Variants in TRPC7 observed in about 807,000 individuals in gnomAD.
TRPC7 encodes transient receptor potential cation channel subfamily C member 7.
Under a neutral mutation model 90.1 loss-of-function variants are expected in TRPC7, and 42 were observed. The observed-to-expected ratio is 0.47, with a 90% CI of 0.36 to 0.60. TRPC7 has a LOEUF of 0.60. Ranked by LOEUF, TRPC7 falls within the 20% of genes least tolerant of loss-of-function variation. The pLI is 0.00. For synonymous variants in TRPC7, 451 were observed against 436.3 expected (o/e 1.03, Z -0.42); for missense variants, 955 against 1,112.3 (o/e 0.86, Z 2.01).
chr5:136,251,283 CATATACATATCCCTTT>C (rs534577804), intron 6 of TRPC7, among the ~76,000 whole-genome samples: 40 of 152,324 alleles, frequency 2.6e-4, no homozygotes, highest in South Asian at 1.0e-3. Flanking sequence ...AATTCTTCCG[CATATACATATCCCTTT>C]AGCGCTCCTG....
intron 4 of TRPC7, among the ~76,000 whole-genome samples, chr5:136,269,803 TA>T (rs1757149913): frequency 6.6e-6 from 1 of 152,180 alleles, no homozygotes; most frequent in African/African-American, 2.4e-5. Flanking sequence ...ATGTCTAACA[TA>T]GGGCTCAGGA....
At chr5:136,266,716 A>C (rs950021428) in intron 4 of TRPC7, among the ~76,000 whole-genome samples, 1 of 152,208 alleles carries the variant, frequency 6.6e-6, no homozygotes, top group African/African-American at 2.4e-5. Flanking sequence ...ATCTGATTGC[A>C]CTGATACCTC....
chr5:136,299,627 GA>G (rs1328266549), intron 3 of TRPC7, among the ~76,000 whole-genome samples: 1 of 152,162 alleles, frequency 6.6e-6, no homozygotes, highest in South Asian at 2.1e-4. Context: ...AGGAATATTT[GA>G]AAGATCAAAT....
chr5:136,302,512 A>G (rs965633137), intron 3 of TRPC7, among the ~76,000 whole-genome samples: 3 of 151,938 alleles, frequency 2.0e-5, no homozygotes, highest in African/African-American at 7.3e-5. Context: ...CCTTCCCTCC[A>G]TGTCTCTATG....
At chr5:136,240,959 C>T (rs1198825665) in intron 7 of TRPC7, among the ~76,000 whole-genome samples, 3 of 152,064 alleles carry the variant, frequency 2.0e-5, no homozygotes, top group East Asian at 1.9e-4. Flanking sequence ...AAGCCGAGTA[C>T]GTGAAGCTCA....
At position 136,301,332 on chromosome 5, in the gene TRPC7, A is replaced by ATTTTTT. The variant is rs368799815; in HGVS notation, c.963+14259_963+14264dup. ...TTGAGCCACTGCACCCAGCCCAGGC[A>ATTTTTT]TTTTTTTTTTTTTTTTTTTTTTTTT... is the stretch of plus-strand genomic sequence containing the variant. On this transcript the variant is annotated intron_variant, in intron 3 of 11. Coordinates refer to ENST00000513104, the MANE Select transcript of TRPC7 (RefSeq NM_020389.3). 3.5e-4 allele frequency among the ~76,000 whole-genome samples: 30 copies of ATTTTTT among 85,694 alleles called. 2 individuals carry two copies. The highest frequency in any genetic ancestry group is 1.3e-3 in the African/African-American group (26 of 20,600). 56.2% of individuals were successfully genotyped at this position (85,694 alleles called of 152,430 possible).
chr5:136,291,301 T>G (rs1242566042), intron 3 of TRPC7, among the ~76,000 whole-genome samples: 2 of 149,462 alleles, frequency 1.3e-5, no homozygotes, highest in Non-Finnish European at 3.0e-5. Context: ...ATACTAACCT[T>G]AAATGTAAAT....
intron 3 of TRPC7, among the ~76,000 whole-genome samples, chr5:136,301,151 C>G (rs930474209): frequency 6.6e-6 from 1 of 151,920 alleles, no homozygotes; most frequent in East Asian, 1.9e-4. Context: ...CTCAGCCTCC[C>G]GAGTAGCTGG....
intron 1 of TRPC7, among the ~76,000 whole-genome samples, chr5:136,359,669 A>T (rs1295022214): frequency 6.6e-6 from 1 of 152,134 alleles, no homozygotes; most frequent in Admixed American, 6.5e-5. Context: ...GTTTTCAGAA[A>T]GAGAAAGTTA....
chr5:136,321,452 T>G (rs1478503157), intron 2 of TRPC7, among the ~76,000 whole-genome samples: 2 of 152,208 alleles, frequency 1.3e-5, no homozygotes, highest in African/African-American at 4.8e-5. Flanking sequence ...GCCATTTAAC[T>G]CTTACGCATC....
intron 3 of TRPC7, among the ~76,000 whole-genome samples, chr5:136,306,023 A>T (rs1161120608): frequency 6.6e-6 from 1 of 152,006 alleles, no homozygotes; most frequent in Non-Finnish European, 1.5e-5. Context: ...CCCCAAAAAA[A>T]CTTGTCATCC....
chr5:136,350,296 T>C (rs1375434286), intron 2 of TRPC7, among the ~76,000 whole-genome samples: 1 of 152,212 alleles, frequency 6.6e-6, no homozygotes, highest in African/African-American at 2.4e-5. Flanking sequence ...ACCTCCTCGC[T>C]GTCCACTTCT....
At chr5:136,274,649 A>G (rs1485869390) in intron 4 of TRPC7, 24 bp downstream of exon 4, 1 of 1,577,388 alleles carries the variant, frequency 6.3e-7, no homozygotes, top group East Asian at 2.3e-5. Flanking sequence ...ACCGCAAACG[A>G]CATGCACCTT....
intron 7 of TRPC7, among the ~76,000 whole-genome samples, chr5:136,236,689 G>A (rs1041982775): frequency 1.3e-5 from 2 of 152,164 alleles, no homozygotes; most frequent in Non-Finnish European, 2.9e-5. Flanking sequence ...GTCTCGGCTG[G>A]ATAACAGGAC....
chr5:136,284,958 T>C (rs569933562), intron 3 of TRPC7, among the ~76,000 whole-genome samples: 13 of 152,346 alleles, frequency 8.5e-5, no homozygotes, highest in Admixed American at 2.0e-4. Context: ...CTATTTCATA[T>C]GTAAAGCAGA....
At chr5:136,351,054 A>G (rs1267801886) in intron 2 of TRPC7, among the ~76,000 whole-genome samples, 1 of 152,252 alleles carries the variant, frequency 6.6e-6, no homozygotes, top group Non-Finnish European at 1.5e-5. Context: ...CAGAGAATTT[A>G]TAATACCCAA....
At chr5:136,249,588 CA>C (rs1756455509) in intron 6 of TRPC7, among the ~76,000 whole-genome samples, 1 of 152,176 alleles carries the variant, frequency 6.6e-6, no homozygotes, top group Admixed American at 6.5e-5. Flanking sequence ...GTCACAATAA[CA>C]AGACACTCTT....
chr5:136,235,150 C>T (rs1187845221), intron 7 of TRPC7, among the ~76,000 whole-genome samples: 1 of 151,982 alleles, frequency 6.6e-6, no homozygotes, highest in Admixed American at 6.6e-5. Flanking sequence ...AAACATAAGG[C>T]AGAAGACTGA....
At position 136,226,268 on chromosome 5, in the gene TRPC7, G is replaced by A; in HGVS notation, c.2041-13C>T. On this transcript the variant is annotated splice_polypyrimidine_tract_variant and intron_variant, in intron 8 of 11. Coordinates refer to ENST00000513104, the MANE Select transcript of TRPC7 (RefSeq NM_020389.3). Reference sequence around the variant, plus strand: ...CATCTGCATCCTCCTGTGGAACAAGGGAAACAACAACACACCCTCAAAGGC... The same window carrying A: ...CATCTGCATCCTCCTGTGGAACAAGAGAAACAACAACACACCCTCAAAGGC... The A allele has an allele frequency of 6.5e-7, 1 of 1,546,808 alleles. No individual in the cohort carries two copies. The highest frequency in any genetic ancestry group is 2.4e-5 in the East Asian group (1 of 40,902).
Sources: allele counts gnomAD v4.1 joint callset (sites outside exome capture counted in the v4.1 genomes callset), GRCh38; gene constraint gnomAD v4.1.1; transcripts MANE v1.5; gene names NCBI Gene and HGNC (gene_info 2026-07-23, HGNC 2026-07-21).